The following FAM193A variants were observed in gnomAD, a reference collection of about 807,000 sequenced individuals.
The protein encoded by FAM193A is family with sequence similarity 193 member A, also known as protein FAM193A.
A neutral mutation model predicts 126.5 loss-of-function variants in FAM193A; 22 were observed. The observed-to-expected ratio is 0.17, with a 90% CI of 0.12 to 0.25. The LOEUF (loss-of-function observed/expected upper bound fraction) is 0.25. FAM193A is among the 10% of genes least tolerant of loss of function. The pLI is 1.00. For missense variants in FAM193A, 1,675 were observed against 1,672.8 expected (o/e 1.00, Z -0.02); for synonymous variants, 761 against 646.8 (o/e 1.18, Z -2.68).
At chr4:2,638,091 C>CA (rs1744262623) in intron 5 of FAM193A, among the ~76,000 whole-genome samples, 1 of 152,330 alleles carries the variant, frequency 6.6e-6, no homozygotes, top group East Asian at 1.9e-4. Flanking sequence ...CAGAGGTTTC[C>CA]AAGGGAGGCC....
chr4:2,586,490 A>G (rs533501946), intron 1 of FAM193A, among the ~76,000 whole-genome samples: 4 of 152,010 alleles, frequency 2.6e-5, no homozygotes, highest in African/African-American at 7.2e-5. Context: ...TTAAAAGGCC[A>G]TTCTTTCCAT....
chr4:2,608,567 C>G (rs1162974254), intron 2 of FAM193A, among the ~76,000 whole-genome samples: 1 of 152,142 alleles, frequency 6.6e-6, no homozygotes, highest in African/African-American at 2.4e-5. Context: ...ATGGGCGGGT[C>G]AGCAATATGC....
intron 19 of FAM193A, among the ~76,000 whole-genome samples, chr4:2,714,372 C>T (rs191100293): frequency 5.9e-5 from 9 of 152,232 alleles, no homozygotes; most frequent in African/African-American, 9.6e-5. Flanking sequence ...CAGTCACATC[C>T]GCTATTCTGT....
chr4:2,566,112 A>G (rs1738930830), intron 1 of FAM193A, among the ~76,000 whole-genome samples: 1 of 151,628 alleles, frequency 6.6e-6, no homozygotes, highest in South Asian at 2.1e-4. Flanking sequence ...CAGTGGCACA[A>G]TCTTGGCTGA....
At chr4:2,719,133 A>G (rs187381376) in intron 20 of FAM193A, among the ~76,000 whole-genome samples, 11 of 152,332 alleles carry the variant, frequency 7.2e-5, no homozygotes, top group African/African-American at 2.4e-4. Context: ...AAACAATACC[A>G]GAAAAAATGA....
chr4:2,685,091 C>T (rs1175098266), intron 13 of FAM193A, among the ~76,000 whole-genome samples: 7 of 152,138 alleles, frequency 4.6e-5, no homozygotes, highest in Non-Finnish European at 8.8e-5. Context: ...TACTAAGAAA[C>T]GGCCTAGAAG....
chr4:2,731,385 C>T (rs1455442482), intron 20 of FAM193A, among the ~76,000 whole-genome samples: 1 of 151,624 alleles, frequency 6.6e-6, no homozygotes, highest in African/African-American at 2.4e-5. Flanking sequence ...AGGATTTCAC[C>T]ATGTTGCCCA....
intron 2 of FAM193A, among the ~76,000 whole-genome samples, chr4:2,607,329 G>A (rs1051562516): frequency 4.6e-5 from 7 of 152,092 alleles, no homozygotes; most frequent in Non-Finnish European, 1.0e-4. Flanking sequence ...TGCTGTCTTC[G>A]TCCTTGCATT....
chr4:2,607,938 C>T (rs192553829), intron 2 of FAM193A: 2 of 1,378,468 alleles, frequency 1.5e-6, no homozygotes, highest in South Asian at 2.6e-5. Flanking sequence ...GCTTTATGAA[C>T]ACAGATTCTT....
chr4:2,637,155 C>T (rs1263456767), intron 5 of FAM193A, among the ~76,000 whole-genome samples: 2 of 152,046 alleles, frequency 1.3e-5, no homozygotes, highest in Non-Finnish European at 2.9e-5. Context: ...GGTGAGATCC[C>T]GTCTCTACAG....
intron 2 of FAM193A, among the ~76,000 whole-genome samples, chr4:2,604,886 C>T (rs975953075): frequency 6.7e-6 from 1 of 149,286 alleles, no homozygotes; most frequent in Non-Finnish European, 1.5e-5. Flanking sequence ...CAGCCTCGAC[C>T]TCCTGGGCTC....
At chr4:2,565,408 C>T (rs1418222217) in intron 1 of FAM193A, among the ~76,000 whole-genome samples, 1 of 151,816 alleles carries the variant, frequency 6.6e-6, no homozygotes, top group Non-Finnish European at 1.5e-5. Flanking sequence ...TACAGGCGTC[C>T]ACCACCACCC....
chr4:2,690,529 A>G (rs778988856), intron 14 of FAM193A, among the ~76,000 whole-genome samples, 169 bp from the exon 15 acceptor site: 12 of 152,210 alleles, frequency 7.9e-5, no homozygotes, highest in Admixed American at 7.9e-4. Context: ...GTAGGTGCTC[A>G]ATACAATTTT....
chr4:2,659,713 C>A, intron 9 of FAM193A, 43 bp downstream of exon 9: 1 of 1,608,292 alleles, frequency 6.2e-7, no homozygotes, highest in Non-Finnish European at 8.5e-7. Context: ...CCCATTGGAC[C>A]TTCACTGGGC....
chr4:2,647,178 T>C, intron 7 of FAM193A, among the ~76,000 whole-genome samples: 1 of 151,688 alleles, frequency 6.6e-6, no homozygotes, highest in Non-Finnish European at 1.5e-5. Context: ...GGAGTTTTGC[T>C]CTTGTTGCCC....
chr4:2,713,734 TGA>T (rs1420194718), intron 19 of FAM193A, among the ~76,000 whole-genome samples: 2 of 152,236 alleles, frequency 1.3e-5, no homozygotes, highest in East Asian at 3.8e-4. Context: ...TTGCCTCTGC[TGA>T]GTGTTCCCAG....
At chr4:2,540,466 TCAAAA>T (rs201078137) in intron 1 of FAM193A, among the ~76,000 whole-genome samples, 4,183 of 148,676 alleles carry the variant, frequency 0.028, 204 homozygotes, top group African/African-American at 0.099. Flanking sequence ...AGACTCCGTC[TCAAAA>T]CAAACAAACA....
chr4:2,588,330 A>G (rs968679012), intron 1 of FAM193A, among the ~76,000 whole-genome samples: 5 of 152,172 alleles, frequency 3.3e-5, no homozygotes, highest in South Asian at 4.1e-4. Flanking sequence ...TTTGACTTAC[A>G]TGGACCATAA....
chr4:2,667,701 C>A (rs1297783236), intron 12 of FAM193A, among the ~76,000 whole-genome samples: 1 of 152,088 alleles, frequency 6.6e-6, no homozygotes, highest in Non-Finnish European at 1.5e-5. Context: ...TGTCTAACAT[C>A]TTTTAGTTGG....
Sources: allele counts gnomAD v4.1 joint callset (sites outside exome capture counted in the v4.1 genomes callset), GRCh38; gene constraint gnomAD v4.1.1; transcripts MANE v1.5; gene names NCBI Gene and HGNC (gene_info 2026-07-23, HGNC 2026-07-21).